The following MIER2 variants were observed in gnomAD, a reference collection of about 807,000 sequenced individuals.
MIER2 encodes the protein MIER family member 2, also known as mesoderm induction early response protein 2.
A neutral mutation model predicts 67.6 loss-of-function variants in MIER2; 30 were observed. That is an observed-to-expected ratio of 0.44 (90% CI 0.33 to 0.60). MIER2 has a LOEUF of 0.60. Among genes scored for constraint, MIER2 ranks in the 20% least tolerant of loss-of-function variants. MIER2 has a pLI of 0.02. For missense variants in MIER2, 702 were observed against 745.1 expected (o/e 0.94, Z 0.67); for synonymous variants, 372 against 312.6 (o/e 1.19, Z -2.00).
chr19:311,055 G>A (rs940304979), intron 10 of MIER2, among the ~76,000 whole-genome samples: 17 of 152,236 alleles, frequency 1.1e-4, no homozygotes, highest in East Asian at 5.8e-4. Context: ...AACCAGCCCC[G>A]GGCAGGTGCC....
rs1413886975 is a variant in MIER2 at position 305,988 on chromosome 19, C to G, written c.*702G>C. The G allele has an allele frequency of 6.6e-6, 1 of 152,436 alleles. No homozygotes were observed. The highest frequency in any genetic ancestry group is 1.9e-4 in the East Asian group (1 of 5,158). The allele number at this position is 152,436 out of a possible 1,614,324, so 9.4% of individuals were successfully genotyped here. On this transcript the variant is annotated 3_prime_UTR_variant, in exon 14 of 14. Coordinates refer to ENST00000264819, the MANE Select transcript of MIER2 (RefSeq NM_017550.3). ...TAAATCACCTGTCTCCTCAAACCCA[C>G]GCCTGGGGTTGCTGAGGGACCCCAC...
intron 13 of MIER2, 50 bp from the exon 14 acceptor site, chr19:306,761 C>T (rs1202029885): frequency 2.6e-6 from 4 of 1,551,810 alleles, no homozygotes; most frequent in East Asian, 2.4e-5. Flanking sequence ...TGCGGCCCCA[C>T]GTGCCTGCAC....
rs530608121 is a variant in MIER2 at position 326,470 on chromosome 19, C to T, written c.585+37G>A. Reference sequence around the variant, plus strand: ...GTTGGGGAGACGGCAGAACCACGGCCGGGATGCCAGGTTGGGGAGATGGCA... The same window carrying T: ...GTTGGGGAGACGGCAGAACCACGGCTGGGATGCCAGGTTGGGGAGATGGCA... On this transcript the variant is annotated intron_variant, in intron 6 of 13. Transcript: ENST00000264819. 70 of 1,578,828 alleles carry T rather than the reference C, an allele frequency of 4.4e-5. No homozygotes were observed. The East Asian group carries it at 8.4e-4, about 19-fold the overall frequency.
intron 3 of MIER2, among the ~76,000 whole-genome samples, chr19:330,868 T>TA (rs1234823079): frequency 6.0e-4 from 91 of 152,304 alleles, no homozygotes; most frequent in Admixed American, 3.1e-3. Context: ...GGTTCACTGA[T>TA]ACGGTCTCAG....
chr19:343,153 G>A (rs994947296), intron 1 of MIER2, among the ~76,000 whole-genome samples: 3 of 152,212 alleles, frequency 2.0e-5, no homozygotes, highest in Non-Finnish European at 2.9e-5. Context: ...AGGGTTAACA[G>A]GAGCAGCCGG....
At chr19:343,523 T>C (rs1401895711) in intron 1 of MIER2, among the ~76,000 whole-genome samples, 3 of 152,192 alleles carry the variant, frequency 2.0e-5, no homozygotes, top group African/African-American at 7.2e-5. Flanking sequence ...ACACAGGGCC[T>C]GTTACTGCCC....
rs144519664 is a variant in MIER2 at position 334,514 on chromosome 19, C to A, written c.129G>T (p.Gln43His). The A allele has an allele frequency of 1.9e-6, 3 of 1,613,982 alleles. No homozygotes were observed. The highest frequency in any genetic ancestry group is 2.5e-6 in the Non-Finnish European group (3 of 1,180,018). ...GTGACAGGATCTCTGCGAGGTTGAA[C>A]TGATGGTCTCCAGAGCCCATGGACA... Reference protein sequence around the residue: ...AVVSMGSGDHQFNLAEILSQN... With the variant: ...AVVSMGSGDHHFNLAEILSQN... Residue 43 changes from glutamine (Q) to histidine (H), a missense_variant, in exon 3 of 14, where the codon CAG becomes CAT. Transcript: ENST00000264819.
At chr19:335,908 G>A (rs1431668677) in intron 2 of MIER2, among the ~76,000 whole-genome samples, 175 bp downstream of exon 2, 2 of 152,088 alleles carry the variant, frequency 1.3e-5, no homozygotes, top group Non-Finnish European at 2.9e-5. Context: ...CAGGAAGACG[G>A]GAGTCCTGAC....
At chr19:309,953 G>GACAC (rs1245795941) in intron 10 of MIER2, among the ~76,000 whole-genome samples, 1 of 102,710 alleles carries the variant, frequency 9.7e-6, no homozygotes, top group Admixed American at 1.0e-4. Flanking sequence ...GACGAGAAGA[G>GACAC]ACACACACAC....
At chr19:316,443 C>T (rs1477618295) in intron 7 of MIER2, among the ~76,000 whole-genome samples, 1 of 152,044 alleles carries the variant, frequency 6.6e-6, no homozygotes, top group South Asian at 2.1e-4. Flanking sequence ...CAGGTGCCCA[C>T]CACGCCTGGC....
intron 7 of MIER2, among the ~76,000 whole-genome samples, chr19:317,777 AAC>A (rs2145410296): frequency 6.6e-6 from 1 of 151,714 alleles, no homozygotes; most frequent in South Asian, 2.1e-4. Flanking sequence ...GAACAGATGG[AAC>A]ACACAGAAAG....
intron 7 of MIER2, among the ~76,000 whole-genome samples, chr19:321,875 G>C (rs1264776074): frequency 1.3e-5 from 2 of 151,892 alleles, no homozygotes; most frequent in Non-Finnish European, 2.9e-5. Context: ...GGGAGACAAT[G>C]GACTTTTGTT....
Position 308,734 on chromosome 19 carries a change from G to T in MIER2, c.1109+67C>A. The T allele has an allele frequency of 6.3e-7, 1 of 1,593,522 alleles. No homozygotes were observed. The stretch of plus-strand genomic sequence containing the variant: ...GCCCCCACCCAAGAGGTGCCGCCCA[G>T]GCGCCCACGTGCCCACCCCCGGCGG... On this transcript the variant is annotated intron_variant, in intron 11 of 13. Transcript: ENST00000264819. The surrounding 1 kb of genome is among the most constrained non-coding windows in gnomAD (Gnocchi z 9.1).
chr19:309,848 A>G, intron 10 of MIER2, among the ~76,000 whole-genome samples: 1 of 80,386 alleles, frequency 1.2e-5, no homozygotes, highest in Non-Finnish European at 2.4e-5. Flanking sequence ...ACACGCACAC[A>G]AGGCTTCAGG....
At position 337,007 on chromosome 19, in the gene MIER2, T is replaced by G. The variant is rs535525527; in HGVS notation, c.10-834A>C. ...ACAGGTGCGCACCACCACGCCCAGC[T>G]AATTTCTGTATTTTTACTAGAGATG... is the stretch of plus-strand genomic sequence containing the variant. On this transcript the variant is annotated intron_variant, in intron 1 of 13. Transcript: ENST00000264819. Among the ~76,000 whole-genome samples the G allele has an allele frequency of 1.9e-3, 285 of 152,234 alleles. 2 individuals are homozygous for G. The highest frequency in any genetic ancestry group is 5.8e-3 in the South Asian group (28 of 4,820).
At chr19:332,274 G>A (rs1452749950) in intron 3 of MIER2, among the ~76,000 whole-genome samples, 1 of 151,872 alleles carries the variant, frequency 6.6e-6, no homozygotes, top group Non-Finnish European at 1.5e-5. Context: ...ATTTTAAAAT[G>A]AGTTAGCGAA....
At chr19:309,145 G>A (rs1300105577) in intron 10 of MIER2, among the ~76,000 whole-genome samples, 1 of 152,092 alleles carries the variant, frequency 6.6e-6, no homozygotes, top group Non-Finnish European at 1.5e-5. Flanking sequence ...ACTGCCTCCT[G>A]TTTCAAGCCC....
intron 7 of MIER2, among the ~76,000 whole-genome samples, chr19:322,662 A>T (rs1319746491): frequency 1.3e-5 from 2 of 152,106 alleles, no homozygotes. Flanking sequence ...AATTCAGGCA[A>T]ATTCACCCTC....
chr19:317,973 G>A (rs1376003242), intron 7 of MIER2, among the ~76,000 whole-genome samples: 1 of 152,142 alleles, frequency 6.6e-6, no homozygotes, highest in Non-Finnish European at 1.5e-5. Flanking sequence ...GGAGGCCGAA[G>A]TGGGCAGGTC....
Sources: gnomAD v4.1 joint callset for allele counts (sites outside exome capture counted in the v4.1 genomes callset) on GRCh38, gnomAD v4.1.1 for gene constraint, Gnocchi (gnomAD v3.1) non-coding constraint, MANE v1.5 for transcripts, NCBI Gene and HGNC (gene_info 2026-07-23, HGNC 2026-07-21) for gene names.